Variants in RNF38 observed in about 807,000 individuals in gnomAD.
RNF38 encodes ring finger protein 38, also known as E3 ubiquitin-protein ligase RNF38.
A neutral mutation model predicts 67.2 loss-of-function variants in RNF38; 15 were observed. The ratio of observed to expected loss-of-function variants is 0.22; its 90% CI spans 0.15 to 0.34. RNF38 has a LOEUF of 0.34. Ranked by LOEUF, RNF38 falls within the 10% of genes least tolerant of loss-of-function variation. The probability of loss-of-function intolerance (pLI) is 1.00; values close to 1 mark genes in which losing one functional copy is unlikely to be tolerated. For missense variants in RNF38, 524 were observed against 639.9 expected (o/e 0.82, Z 1.95); for synonymous variants, 220 against 218.8 (o/e 1.01, Z -0.05).
chr9:36,355,288 A>C (rs1013129286), intron 6 of RNF38, among the ~76,000 whole-genome samples: 10 of 152,206 alleles, frequency 6.6e-5, no homozygotes, highest in Admixed American at 1.3e-4. Context: ...TCTATAGGTT[A>C]TCTCTCCTGT....
intron 1 of RNF38, among the ~76,000 whole-genome samples, chr9:36,397,424 T>C (rs531260693): frequency 6.6e-6 from 1 of 152,284 alleles, no homozygotes; most frequent in South Asian, 2.1e-4. Context: ...AAAATAATTT[T>C]GAAAAGCTAA....
chr9:36,354,488 TAC>T (rs930380322), intron 6 of RNF38, among the ~76,000 whole-genome samples: 9 of 152,338 alleles, frequency 5.9e-5, no homozygotes, highest in Admixed American at 1.3e-4. Flanking sequence ...TTACTTATTC[TAC>T]ACGTTTCATG....
intron 1 of RNF38, among the ~76,000 whole-genome samples, chr9:36,481,939 G>A (rs1000081663): frequency 6.6e-6 from 1 of 151,980 alleles, no homozygotes; most frequent in Non-Finnish European, 1.5e-5. Context: ...GAAATAGGAA[G>A]AGAAAAATAA....
intron 1 of RNF38, among the ~76,000 whole-genome samples, chr9:36,398,541 T>C (rs1587612862): frequency 1.3e-5 from 2 of 152,248 alleles, no homozygotes; most frequent in East Asian, 3.8e-4. Flanking sequence ...CAAGTATTAA[T>C]GCTTTATCTC....
intron 3 of RNF38, among the ~76,000 whole-genome samples, chr9:36,371,672 G>C (rs1055006076): frequency 2.6e-5 from 4 of 151,756 alleles, no homozygotes; most frequent in African/African-American, 4.8e-5. Flanking sequence ...AGCTGGTCTC[G>C]AACTCCTGAC....
upstream of RNF38, among the ~76,000 whole-genome samples, chr9:36,406,173 C>T (rs185026976): frequency 1.3e-5 from 2 of 152,148 alleles, no homozygotes; most frequent in East Asian, 1.9e-4. Context: ...GAATGGATGA[C>T]GGAAAATGCA....
upstream of RNF38, chr9:36,487,664 C>T (rs915667861): frequency 1.2e-4 from 96 of 786,050 alleles, no homozygotes; most frequent in Non-Finnish European, 1.4e-4. Flanking sequence ...GAGGCGGCTC[C>T]CGAAGGGGGA....
Position 36,369,867 on chromosome 9 carries a change from T to A in RNF38, c.422A>T (p.Asp141Val), listed in dbSNP as rs888604573. The change falls in exon 4 of 12, where the codon GAT becomes GTT. Residue 141 changes from aspartate (D) to valine (V), a missense_variant. Around this residue, in one of 2 missense-constraint regions of RNF38, gnomAD observed 461 missense variants for 517.4 expected, o/e 0.89. Coordinates refer to ENST00000259605, the MANE Select transcript of RNF38 (RefSeq NM_022781.5). ...GTAAGGGAGATGGTGATAGTTTTCA[T>A]CTTGACTAATGGAATTATGTCGAGA... Reference protein sequence around the residue: ...RLSRHNSISQDENYHHLPYAQ... With the variant: ...RLSRHNSISQVENYHHLPYAQ... 2 of 1,613,700 alleles carry A rather than the reference T, an allele frequency of 1.2e-6. No individual in the cohort carries two copies. The highest frequency in any genetic ancestry group is 1.3e-5 in the African/African-American group (1 of 74,910).
chr9:36,396,017 T>C lies in RNF38; in HGVS notation c.12+4080A>G, dbSNP rs145439205. Among the ~76,000 whole-genome samples the C allele has an allele frequency of 5.9e-3, 896 of 152,298 alleles. 6 individuals are homozygous for C. Among genetic ancestry groups the C allele is most frequent in the Non-Finnish European group, 9.9e-3 (676 of 68,018 alleles). ...TTAGGAAGAAAAACAGAGAACTCCC[T>C]ATAAAGATTAAATAGAGCAGCCAAA... On this transcript the variant is annotated intron_variant, in intron 1 of 11. Coordinates refer to ENST00000259605, the MANE Select transcript of RNF38 (RefSeq NM_022781.5).
At chr9:36,426,861 G>A (rs567300096) in intron 1 of RNF38, among the ~76,000 whole-genome samples, 2 of 152,290 alleles carry the variant, frequency 1.3e-5, no homozygotes, top group South Asian at 4.1e-4. Flanking sequence ...TGTAAAATTA[G>A]AATATTATTA....
intron 1 of RNF38, among the ~76,000 whole-genome samples, chr9:36,447,362 C>T (rs1307319655): frequency 6.6e-6 from 1 of 152,114 alleles, no homozygotes; most frequent in East Asian, 1.9e-4. Flanking sequence ...GATTAAAAGC[C>T]TAGGACAGTG....
chr9:36,462,376 T>C (rs1482863629), intron 1 of RNF38, among the ~76,000 whole-genome samples: 1 of 152,096 alleles, frequency 6.6e-6, no homozygotes, highest in Non-Finnish European at 1.5e-5. Flanking sequence ...CTTCAATCCT[T>C]ACCCTCCTAC....
At chr9:36,412,763 C>T (rs1838358963) in intron 2 of RNF38, among the ~76,000 whole-genome samples, 1 of 152,098 alleles carries the variant, frequency 6.6e-6, no homozygotes, top group Non-Finnish European at 1.5e-5. Flanking sequence ...TGGTGAAATC[C>T]CATCTCTGCT....
At chr9:36,383,025 TAAGAC>T (rs1836323304) in intron 2 of RNF38, among the ~76,000 whole-genome samples, 1 of 152,132 alleles carries the variant, frequency 6.6e-6, no homozygotes, top group Non-Finnish European at 1.5e-5. Context: ...TACTAAAAAA[TAAGAC>T]AAGATCCTTT....
intron 9 of RNF38, among the ~76,000 whole-genome samples, chr9:36,350,113 A>G (rs1359754143): frequency 6.6e-6 from 1 of 152,194 alleles, no homozygotes; most frequent in Non-Finnish European, 1.5e-5. Flanking sequence ...CACTGCGCTC[A>G]GCCTCCCAAC....
intron 1 of RNF38, 76 bp downstream of exon 1, chr9:36,400,021 C>G: frequency 7.7e-7 from 1 of 1,291,056 alleles, no homozygotes. Context: ...TTTCTACTTA[C>G]GGTAGAATTA....
At chr9:36,407,217 A>C (rs1000474819) in intron 2 of RNF38, among the ~76,000 whole-genome samples, 1 of 152,226 alleles carries the variant, frequency 6.6e-6, no homozygotes, top group African/African-American at 2.4e-5. Flanking sequence ...TAGCAGCTAG[A>C]GACCAGAAGA....
intron 1 of RNF38, among the ~76,000 whole-genome samples, chr9:36,441,836 C>G (rs1839198208): frequency 6.6e-6 from 1 of 152,028 alleles, no homozygotes; most frequent in African/African-American, 2.4e-5. Flanking sequence ...ACCTTCTGTT[C>G]AAAGAAATCA....
upstream of RNF38, chr9:36,400,274 G>T: frequency 4.5e-6 from 6 of 1,335,890 alleles, no homozygotes; most frequent in Middle Eastern, 3.9e-4. Context: ...AAGGACGCCA[G>T]AGAGGACCCT....
Sources: gnomAD v4.1 joint callset for allele counts (sites outside exome capture counted in the v4.1 genomes callset) on GRCh38, gnomAD v4.1.1 for gene constraint, gnomAD v4.1.1 regional missense constraint, MANE v1.5 for transcripts, NCBI Gene and HGNC (gene_info 2026-07-23, HGNC 2026-07-21) for gene names.